Variants in PLEKHA7 observed in about 807,000 individuals in gnomAD.
The protein encoded by PLEKHA7 is pleckstrin homology domain containing A7, also known as pleckstrin homology domain-containing family A member 7.
In PLEKHA7, 104 loss-of-function variants were observed where a neutral mutation model predicts 170.0. The observed-to-expected ratio is 0.61, with a 90% confidence interval of 0.52 to 0.72. The LOEUF (loss-of-function observed/expected upper bound fraction) is 0.72, where lower values mean the gene tolerates loss of function less well. Ranked by LOEUF, PLEKHA7 falls within the 30% of genes least tolerant of loss-of-function variation. The pLI is 0.00. For missense variants in PLEKHA7, 1,615 were observed against 1,671.7 expected (o/e 0.97, Z 0.59); for synonymous variants, 648 against 660.8 (o/e 0.98, Z 0.30).
intron 24 of PLEKHA7, 84 bp downstream of exon 24, chr11:16,786,145 A>G (rs891288157): frequency 3.2e-5 from 47 of 1,468,404 alleles, no homozygotes; most frequent in Non-Finnish European, 4.2e-5. Context: ...GTTCAGGATG[A>G]TACCCCACAG....
At position 16,783,826 on chromosome 11, in the gene PLEKHA7, T is replaced by A. The variant is rs1418782780; in HGVS notation, c.3524A>T (p.Lys1175Ile). The A allele has an allele frequency of 6.7e-7, 1 of 1,490,904 alleles. No individual in the cohort carries two copies. Among genetic ancestry groups the A allele is most frequent in the Non-Finnish European group, 8.9e-7 (1 of 1,125,212 alleles). 92.4% of individuals were successfully genotyped at this position (1,490,904 alleles called of 1,614,324 possible). Reference sequence around the variant, plus strand: ...CTCAGGGATTGACACCTTCTCTGGTTTGGACAGCTGGGGAGAGGCCAGGAG... The same window carrying A: ...CTCAGGGATTGACACCTTCTCTGGTATGGACAGCTGGGGAGAGGCCAGGAG... Reference protein sequence around the residue: ...YDLDISRELSKPEKVSIPERY... With the variant: ...YDLDISRELSIPEKVSIPERY... The change falls in exon 25 of 27, where the codon AAA becomes ATA. Residue 1175 changes from lysine (K) to isoleucine (I), a missense_variant. By Grantham distance (102) the Lys-to-Ile change is moderately radical (BLOSUM62 -3). Transcript: ENST00000531066.
At chr11:16,996,934 T>G (rs1226054329) in intron 3 of PLEKHA7, among the ~76,000 whole-genome samples, 13 of 149,750 alleles carry the variant, frequency 8.7e-5, no homozygotes, top group Admixed American at 6.6e-4. Flanking sequence ...AGACTCCGTC[T>G]CAAAAAAAAA....
At chr11:16,828,201 TG>T (rs547348364) in intron 9 of PLEKHA7, among the ~76,000 whole-genome samples, 89 of 152,326 alleles carry the variant, frequency 5.8e-4, no homozygotes, top group Middle Eastern at 3.4e-3. Context: ...AATCCCCATG[TG>T]TCGTGGGAAG....
At chr11:16,975,737 C>G (rs2136775360) in intron 3 of PLEKHA7, among the ~76,000 whole-genome samples, 1 of 152,304 alleles carries the variant, frequency 6.6e-6, no homozygotes, top group South Asian at 2.1e-4. Flanking sequence ...GGGATTATCT[C>G]TGGGTGATAG....
At chr11:16,922,778 A>T (rs1859193567) in intron 3 of PLEKHA7, among the ~76,000 whole-genome samples, 1 of 152,090 alleles carries the variant, frequency 6.6e-6, no homozygotes, top group Non-Finnish European at 1.5e-5. Flanking sequence ...ACCACCATCA[A>T]CCAAGTACCT....
intron 3 of PLEKHA7, among the ~76,000 whole-genome samples, chr11:16,945,385 T>TTGGCCTACCC (rs1860962480): frequency 2.0e-5 from 3 of 152,246 alleles, no homozygotes; most frequent in African/African-American, 7.2e-5. Context: ...GTTTACTGTG[T>TTGGCCTACCC]TGGCCTACCC....
intron 25 of PLEKHA7, among the ~76,000 whole-genome samples, 199 bp downstream of exon 25, chr11:16,783,501 T>C (rs905082): frequency 0.88 from 133,505 of 152,300 alleles, 58,740 homozygotes; most frequent in African/African-American, 0.94. Flanking sequence ...ATGTTGCAGG[T>C]CTTTCCAGAT....
At position 16,866,524 on chromosome 11, in the gene PLEKHA7, G is replaced by A. The variant is rs181502721; in HGVS notation, c.305+4575C>T. Among the ~76,000 whole-genome samples, 338 of 151,918 alleles carry A rather than the reference G, an allele frequency of 2.2e-3. 2 individuals are homozygous for A. Among genetic ancestry groups the A allele is most frequent in the Non-Finnish European group, 3.1e-3 (209 of 67,960 alleles). On this transcript the variant is annotated intron_variant, in intron 4 of 26. Transcript: ENST00000531066. The stretch of plus-strand genomic sequence containing the variant: ...GAAGAATCGCTTGAACCCGGGAGGC[G>A]GAGGTTGCAGTGAGCTGAGAGTGCA...
chr11:16,840,200 T>A (rs1851839731), intron 9 of PLEKHA7, among the ~76,000 whole-genome samples: 1 of 152,314 alleles, frequency 6.6e-6, no homozygotes, highest in South Asian at 2.1e-4. Flanking sequence ...ATTCATCGAA[T>A]CTCTCACTCA....
intron 3 of PLEKHA7, among the ~76,000 whole-genome samples, chr11:16,994,627 G>T (rs2136983549): frequency 6.6e-6 from 1 of 152,254 alleles, no homozygotes; most frequent in Non-Finnish European, 1.5e-5. Flanking sequence ...CCTCTGAGAG[G>T]CCCATTCTGC....
At chr11:16,994,533 T>G (rs1444542260) in intron 3 of PLEKHA7, among the ~76,000 whole-genome samples, 1 of 151,968 alleles carries the variant, frequency 6.6e-6, no homozygotes, top group Non-Finnish European at 1.5e-5. Context: ...GGAGTCTGAG[T>G]GAACACCAAC....
At chr11:16,887,329 A>G (rs1856195517) in intron 3 of PLEKHA7, among the ~76,000 whole-genome samples, 1 of 107,616 alleles carries the variant, frequency 9.3e-6, no homozygotes, top group South Asian at 3.2e-4. Context: ...CCCTCTCCCC[A>G]CGGTCTCCCT....
In PLEKHA7 at chr11:16,911,255, G is replaced by A. The variant is rs113617673; in HGVS notation, c.222-40073C>T. On this transcript the variant is annotated intron_variant, in intron 3 of 26. Coordinates refer to ENST00000531066, the MANE Select transcript of PLEKHA7 (RefSeq NM_001329630.2). ...TTAACCCGCAGGCCTCCTCACCTGT[G>A]GGAAAACTACAGGGGTTCTCTCAAG... Among the ~76,000 whole-genome samples, 286 of 152,262 alleles carry A rather than the reference G, an allele frequency of 1.9e-3. 3 individuals carry two copies. Among genetic ancestry groups the A allele is most frequent in the African/African-American group, 6.5e-3 (269 of 41,554 alleles).
intron 3 of PLEKHA7, among the ~76,000 whole-genome samples, chr11:16,975,492 C>T (rs1372956508): frequency 6.6e-6 from 1 of 152,082 alleles, no homozygotes; most frequent in East Asian, 1.9e-4. Flanking sequence ...GTCAGCTCTC[C>T]ATATCCATGG....
At chr11:16,866,864 G>C (rs541536155) in intron 4 of PLEKHA7, among the ~76,000 whole-genome samples, 1 of 152,248 alleles carries the variant, frequency 6.6e-6, no homozygotes, top group South Asian at 2.1e-4. Flanking sequence ...CCATCGTTTG[G>C]AGGGGCATGG....
At chr11:16,856,277 G>A (rs1005505547) in intron 4 of PLEKHA7, among the ~76,000 whole-genome samples, 5 of 152,146 alleles carry the variant, frequency 3.3e-5, no homozygotes, top group African/African-American at 7.2e-5. Flanking sequence ...CAGCACGCAA[G>A]AGCAATCCAT....
chr11:16,834,072 G>A (rs867553573), intron 9 of PLEKHA7, among the ~76,000 whole-genome samples: 5 of 152,054 alleles, frequency 3.3e-5, no homozygotes, highest in East Asian at 1.9e-4. Flanking sequence ...GTGCAGTGGC[G>A]CGGTTTCGAC....
chr11:16,851,288 C>A lies in PLEKHA7; in HGVS notation c.599G>T (p.Ser200Ile). ...GCTCCCGAGGACCGCTTCTTCTCGGCTGTCTTTGAATGGAAAAATGCATCA... is the reference window on the plus strand; with the variant it reads ...GCTCCCGAGGACCGCTTCTTCTCGGATGTCTTTGAATGGAAAAATGCATCA... Reference protein sequence around the residue: ...ADYCLFYYKDSREEAVLGSIP... With the variant: ...ADYCLFYYKDIREEAVLGSIP... The change falls in exon 8 of 27, where the codon AGC (serine) becomes ATC (isoleucine). Residue 200 changes from serine to isoleucine, a missense_variant. Physicochemically the swap from Ser to Ile is moderately radical, Grantham distance 142. Transcript: ENST00000531066. The A allele has an allele frequency of 6.2e-7, 1 of 1,609,940 alleles. No homozygotes were observed. Among genetic ancestry groups the A allele is most frequent in the South Asian group, 1.1e-5 (1 of 90,072 alleles).
chr11:16,798,099 A>T (rs1848358228), intron 17 of PLEKHA7, among the ~76,000 whole-genome samples: 1 of 152,232 alleles, frequency 6.6e-6, no homozygotes, highest in Non-Finnish European at 1.5e-5. Context: ...GCCTTGACTG[A>T]AAAGGCTATT....
Sources: gnomAD v4.1 joint callset for allele counts (sites outside exome capture counted in the v4.1 genomes callset) on GRCh38, gnomAD v4.1.1 for gene constraint, MANE v1.5 for transcripts, NCBI Gene and HGNC (gene_info 2026-07-23, HGNC 2026-07-21) for gene names.